The following HAUS6 variants were observed in gnomAD, a reference collection of about 807,000 sequenced individuals.
HAUS6 encodes the protein HAUS augmin-like complex subunit 6.
In HAUS6, 80 loss-of-function variants were observed where a neutral mutation model predicts 106.8. The observed-to-expected ratio is 0.75, with a 90% CI of 0.63 to 0.90. The LOEUF is 0.90. HAUS6 is among the 40% of genes least tolerant of loss of function. HAUS6 has a pLI of 0.00. For missense variants in HAUS6, 1,155 were observed against 1,118.1 expected (o/e 1.03, Z -0.47); for synonymous variants, 356 against 379.1 (o/e 0.94, Z 0.71).
At chr9:19,096,858 T>C in intron 1 of HAUS6, 89 bp from the exon 2 acceptor site, 1 of 590,516 alleles carries the variant, frequency 1.7e-6, no homozygotes, top group East Asian at 3.3e-5. Flanking sequence ...TTGACACAAA[T>C]TAATGTTTTC....
chr9:19,091,544 T>C (rs1311916515), intron 4 of HAUS6, among the ~76,000 whole-genome samples: 2 of 151,906 alleles, frequency 1.3e-5, no homozygotes, highest in Non-Finnish European at 2.9e-5. Context: ...GGAAACATTC[T>C]TATATTACAT....
At chr9:19,092,492 G>A (rs1286054704) in intron 4 of HAUS6, among the ~76,000 whole-genome samples, 2 of 151,748 alleles carry the variant, frequency 1.3e-5, no homozygotes, top group East Asian at 1.9e-4. Flanking sequence ...GTGCATGCCT[G>A]TAATCCCAGC....
At position 19,062,128 on chromosome 9, in the gene HAUS6, G is replaced by C. The variant is rs185046037; in HGVS notation, c.1629+880C>G. 7.5e-4 allele frequency among the ~76,000 whole-genome samples: 115 copies of C among 152,330 alleles called. 1 individual carries two copies. The highest frequency in any genetic ancestry group is 9.4e-4 in the Non-Finnish European group (64 of 68,024). On this transcript the variant is annotated intron_variant, in intron 14 of 16. Transcript: ENST00000380502. The stretch of plus-strand genomic sequence containing the variant: ...AGTTCTGTAATGCTGAGCAATGGTA[G>C]TATTGTGTGGTCACTTACCAGTAAA...
intron 1 of HAUS6, among the ~76,000 whole-genome samples, chr9:19,101,888 C>G (rs1347606846): frequency 6.6e-6 from 1 of 152,106 alleles, no homozygotes; most frequent in Admixed American, 6.5e-5. Context: ...CCACTGCACT[C>G]CAGCCTGGCA....
At chr9:19,086,954 C>T (rs1294586242) in intron 6 of HAUS6, 137 bp downstream of exon 6, 1 of 631,370 alleles carries the variant, frequency 1.6e-6, no homozygotes, top group African/African-American at 1.9e-5. Flanking sequence ...GCAGTCATAA[C>T]TATGCTCTAA....
At chr9:19,073,048 T>A (rs186434905) in intron 11 of HAUS6, among the ~76,000 whole-genome samples, 1 of 152,220 alleles carries the variant, frequency 6.6e-6, no homozygotes, top group Admixed American at 6.5e-5. Flanking sequence ...TGTTTATAGG[T>A]CTATACATAT....
At chr9:19,084,090 T>G (rs990929457) in intron 7 of HAUS6, among the ~76,000 whole-genome samples, 6 of 150,884 alleles carry the variant, frequency 4.0e-5, no homozygotes, top group Non-Finnish European at 8.8e-5. Flanking sequence ...GAATGTCTAT[T>G]TGTAACAATC....
rs1372676754 is a variant in HAUS6, at chr9:19,063,032, T to C, written c.1605A>G (p.Lys535=). The C allele has an allele frequency of 6.2e-7, 1 of 1,611,206 alleles. No individual in the cohort carries two copies. Among genetic ancestry groups the C allele is most frequent in the Admixed American group, 1.7e-5 (1 of 59,928 alleles). ...CCTCTTCTACCAGATGATCTTGCTC[T>C]TTTTGAAATGGATCACTTTTTTTAG... The part of the protein sequence containing the change: ...LPAKKSDPFQ[K]EQDHLVEEVA... The change falls in exon 14 of 17, where the codon AAA becomes AAG. Residue 535 remains lysine, a synonymous_variant. Coordinates refer to ENST00000380502, the MANE Select transcript of HAUS6 (RefSeq NM_017645.5).
rs754723388 is a variant in HAUS6, at chr9:19,096,815, T to A, written c.129-46A>T. 10 of 886,838 alleles carry A rather than the reference T, an allele frequency of 1.1e-5. No homozygotes were observed. The South Asian group carries it at 1.4e-4, about 12-fold the overall frequency. 54.9% of individuals were successfully genotyped at this position (886,838 alleles called of 1,614,324 possible). A position where few individuals can be genotyped will look rare whatever the true frequency, so the allele number is the denominator to read the frequency against. Reference sequence around the variant, plus strand: ...AGAAATAGAAAAAGAAAAAGGTTAATAAGCTAAACATCATCAAAAGCTGAG... The same window carrying A: ...AGAAATAGAAAAAGAAAAAGGTTAAAAAGCTAAACATCATCAAAAGCTGAG... On this transcript the variant is annotated intron_variant, in intron 1 of 16. Transcript: ENST00000380502.
intron 14 of HAUS6, among the ~76,000 whole-genome samples, chr9:19,062,714 T>C (rs939032180): frequency 3.3e-5 from 5 of 152,220 alleles, no homozygotes; most frequent in Non-Finnish European, 7.3e-5. Context: ...CAGGCTGGAG[T>C]GCAGTGATGC....
chr9:19,098,693 G>C (rs1469518214), intron 1 of HAUS6, among the ~76,000 whole-genome samples: 1 of 150,818 alleles, frequency 6.6e-6, no homozygotes, highest in Non-Finnish European at 1.5e-5. Flanking sequence ...AAATACCTTG[G>C]AATGGATTGT....
At chr9:19,062,622 T>A (rs1836650939) in intron 14 of HAUS6, among the ~76,000 whole-genome samples, 2 of 152,200 alleles carry the variant, frequency 1.3e-5, no homozygotes, top group Non-Finnish European at 2.9e-5. Flanking sequence ...TAATTAACTG[T>A]ATTTCGCTTA....
intron 2 of HAUS6, among the ~76,000 whole-genome samples, chr9:19,095,105 GA>G (rs1483572104): frequency 6.6e-6 from 1 of 150,780 alleles, no homozygotes; most frequent in Non-Finnish European, 1.5e-5. Context: ...ATGAAGAAGA[GA>G]AAAAATGGCA....
intron 1 of HAUS6, among the ~76,000 whole-genome samples, chr9:19,098,992 G>C (rs1817924505): frequency 7.1e-6 from 1 of 140,352 alleles, no homozygotes; most frequent in African/African-American, 2.7e-5. Context: ...ACTCCAGCCT[G>C]GGCAACAAGA....
At position 19,063,578 on chromosome 9, in the gene HAUS6, G is replaced by T. The variant is rs751816024; in HGVS notation, c.1379C>A (p.Pro460His). The change falls in exon 13 of 17, where the codon CCT becomes CAT. Residue 460 changes from proline to histidine, a missense_variant and splice_region_variant. Around this residue, in one of 3 missense-constraint regions of HAUS6, gnomAD observed 761 missense variants for 690.0 expected, o/e 1.10. Transcript: ENST00000380502. ...LGALHDLANS[P>H]ASFLSQSVSS... ...AACTGACTGCGACAAGAAAGAGGCA[G>T]GGCTAAAAGGAAAAAAGACAACAAA... 1.9e-6 allele frequency: 3 copies of T among 1,601,152 alleles called. No homozygotes were observed. Among genetic ancestry groups the T allele is most frequent in the Non-Finnish European group, 2.6e-6 (3 of 1,168,230 alleles).
rs1836661882 is a variant in HAUS6 at position 19,062,913 on chromosome 9, G to C, written c.1629+95C>G. ...ACTTCTGGGCTCAAATGTTCCTCTT[G>C]CCGAAACCTCCCCAAGTGTTGGGAT... On this transcript the variant is annotated intron_variant, in intron 14 of 16. Transcript: ENST00000380502. The C allele has an allele frequency of 4.4e-6, 4 of 918,302 alleles. No homozygotes were observed. In the Admixed American group the frequency reaches 9.7e-5, roughly 22 times the overall value. The allele number at this position is 918,302 out of a possible 1,614,324, so 56.9% of individuals were successfully genotyped here.
chr9:19,088,774 A>G (rs1035219823), intron 5 of HAUS6, among the ~76,000 whole-genome samples: 3 of 151,708 alleles, frequency 2.0e-5, no homozygotes, highest in African/African-American at 7.3e-5. Flanking sequence ...GCTACTCAGG[A>G]GCCTGAGGCA....
At chr9:19,098,796 G>A (rs1817919528) in intron 1 of HAUS6, among the ~76,000 whole-genome samples, 1 of 152,138 alleles carries the variant, frequency 6.6e-6, no homozygotes, top group African/African-American at 2.4e-5. Context: ...GCCGAGGCAG[G>A]TGGATCACCT....
intron 11 of HAUS6, among the ~76,000 whole-genome samples, chr9:19,072,517 A>G (rs945793324): frequency 1.3e-5 from 2 of 152,162 alleles, no homozygotes; most frequent in East Asian, 3.8e-4. Flanking sequence ...TCAAAAAAAA[A>G]AAAAAATTAA....
Sources: allele counts gnomAD v4.1 joint callset (sites outside exome capture counted in the v4.1 genomes callset), GRCh38; gene constraint gnomAD v4.1.1; regional missense constraint gnomAD v4.1.1; transcripts MANE v1.5; gene names NCBI Gene and HGNC (gene_info 2026-07-23, HGNC 2026-07-21).